The following VTA1 variants were observed in gnomAD, a reference collection of about 807,000 sequenced individuals.
VTA1 encodes the protein vesicle trafficking 1.
Under a neutral mutation model 36.9 loss-of-function variants are expected in VTA1, and 24 were observed. The observed-to-expected ratio is 0.65, with a 90% confidence interval of 0.47 to 0.91. The LOEUF (loss-of-function observed/expected upper bound fraction) is 0.91. Among genes scored for constraint, VTA1 ranks in the 40% least tolerant of loss-of-function variants. The probability of loss-of-function intolerance (pLI) is 0.00; values close to 1 mark genes in which losing one functional copy is unlikely to be tolerated. For synonymous variants in VTA1, 142 were observed against 130.2 expected, an observed-to-expected ratio of 1.09 and a Z score of -0.62; for missense variants, 393 against 377.2, an observed-to-expected ratio of 1.04 and a Z score of -0.35.
chr6:142,178,320 A>T (rs1775164812), intron 4 of VTA1, among the ~76,000 whole-genome samples: 1 of 152,120 alleles, frequency 6.6e-6, no homozygotes, highest in African/African-American at 2.4e-5. Context: ...AAAACAAATG[A>T]ACAAAAACCC....
chr6:142,194,983 G>T (rs1019632725), intron 5 of VTA1, among the ~76,000 whole-genome samples: 1 of 151,988 alleles, frequency 6.6e-6, no homozygotes, highest in African/African-American at 2.4e-5. Flanking sequence ...GCACTCATTG[G>T]TAAACTTAGT....
intron 2 of VTA1, among the ~76,000 whole-genome samples, chr6:142,166,783 C>T (rs947490969): frequency 3.9e-5 from 6 of 152,134 alleles, no homozygotes; most frequent in Admixed American, 6.5e-5. Context: ...TAAACGCGCC[C>T]GGCTAGTTTT....
In VTA1 at chr6:142,147,387, G is replaced by C; in HGVS notation, c.100G>C (p.Val34Leu). The change falls in exon 1 of 8, where the codon GTG (valine) becomes CTG (leucine). Residue 34 changes from valine to leucine, a missense_variant. By Grantham distance (32) the Val-to-Leu change is conservative. Transcript: ENST00000367630. Reference sequence around the variant, plus strand: ...GGAGCATGACAAGCGAGACCCTGTGGTGGCTTATTACTGTGAGTCTTTCCG... The same window carrying C: ...GGAGCATGACAAGCGAGACCCTGTGCTGGCTTATTACTGTGAGTCTTTCCG... ...AQEHDKRDPVVAYYCRLYAMQ... is the reference protein window; with the variant it reads ...AQEHDKRDPVLAYYCRLYAMQ... 6.2e-7 allele frequency: 1 copy of C among 1,614,110 alleles called. No homozygotes were observed. Among genetic ancestry groups the C allele is most frequent in the Non-Finnish European group, 8.5e-7 (1 of 1,180,004 alleles).
At chr6:142,151,227 G>T (rs770243400) in intron 1 of VTA1, among the ~76,000 whole-genome samples, 22 of 152,174 alleles carry the variant, frequency 1.4e-4, no homozygotes, top group Non-Finnish European at 2.8e-4. Flanking sequence ...TAGGGACAGG[G>T]ATGTGGAGGG....
intron 7 of VTA1, among the ~76,000 whole-genome samples, chr6:142,212,885 G>GC (rs1213273938): frequency 6.6e-6 from 1 of 152,126 alleles, no homozygotes; most frequent in Non-Finnish European, 1.5e-5. Context: ...CTCTCTCCAG[G>GC]CCCCTCCTTC....
rs139415532 is a variant in VTA1 at position 142,198,596 on chromosome 6, A to T, written c.678A>T (p.Ala226=). Residue 226 remains alanine, a synonymous_variant, in exon 6 of 8, where the codon GCA becomes GCT. Transcript: ENST00000367630. Reference sequence around the variant, plus strand: ...CACACGCTCCAGCTAATACACCAGCAGAAGTGCCTCACAGCACAGGTGGGA... The same window carrying T: ...CACACGCTCCAGCTAATACACCAGCTGAAGTGCCTCACAGCACAGGTGGGA... ...PGAHAPANTP[A]EVPHSTGVAS... The T allele has an allele frequency of 6.2e-7, 1 of 1,612,364 alleles. No homozygotes were observed. The highest frequency in any genetic ancestry group is 1.3e-5 in the African/African-American group (1 of 74,936).
At chr6:142,161,002 A>G (rs764667535) in intron 1 of VTA1, among the ~76,000 whole-genome samples, 8 of 152,058 alleles carry the variant, frequency 5.3e-5, no homozygotes, top group Non-Finnish European at 1.2e-4. Flanking sequence ...CAGGAGTTCC[A>G]AAAGTATTTA....
chr6:142,221,527 T>C lies in VTA1; in HGVS notation c.*2884T>C, dbSNP rs1304618423. Reference sequence around the variant, plus strand: ...GTAAGACACTTGACTGGGAGCTATATGGAAAGGTTTTCAGAAGAAACGTAG... The same window carrying C: ...GTAAGACACTTGACTGGGAGCTATACGGAAAGGTTTTCAGAAGAAACGTAG... On this transcript the variant is annotated 3_prime_UTR_variant, in exon 8 of 8. Transcript: ENST00000367630. 3 of 152,038 alleles carry C rather than the reference T, an allele frequency of 2.0e-5. No individual in the cohort carries two copies. Among genetic ancestry groups the C allele is most frequent in the Non-Finnish European group, 2.9e-5 (2 of 68,016 alleles). The allele number at this position is 152,038 out of a possible 1,614,324, so 9.4% of individuals were successfully genotyped here.
chr6:142,184,656 CATA>C (rs1014116375), intron 4 of VTA1, among the ~76,000 whole-genome samples: 29 of 152,154 alleles, frequency 1.9e-4, no homozygotes, highest in African/African-American at 6.7e-4. Flanking sequence ...GAGAGAATAG[CATA>C]AGAAGAGAAT....
intron 7 of VTA1, among the ~76,000 whole-genome samples, chr6:142,207,046 A>G (rs1488077311): frequency 6.6e-6 from 1 of 152,122 alleles, no homozygotes; most frequent in Non-Finnish European, 1.5e-5. Context: ...CCAACAGAAA[A>G]CGAAAAACAA....
intron 4 of VTA1, among the ~76,000 whole-genome samples, chr6:142,188,225 CTT>C (rs200348683): frequency 5.6e-3 from 442 of 78,822 alleles, no homozygotes; most frequent in African/African-American, 0.021. Flanking sequence ...TTCTTTATTT[CTT>C]TTTTTTTTTT....
intron 7 of VTA1, among the ~76,000 whole-genome samples, chr6:142,214,236 G>T (rs1341453647): frequency 6.6e-6 from 1 of 152,168 alleles, no homozygotes. Context: ...GGGGCAAAAT[G>T]CCTCCAGCCT....
chr6:142,166,614 C>CTT (rs869068795), intron 2 of VTA1, among the ~76,000 whole-genome samples: 1 of 144,488 alleles, frequency 6.9e-6, no homozygotes, highest in East Asian at 2.0e-4. Context: ...AAAACCCCTC[C>CTT]TTTTTTTTTT....
intron 4 of VTA1, among the ~76,000 whole-genome samples, chr6:142,173,001 T>G (rs1489462913): frequency 6.6e-6 from 1 of 151,822 alleles, no homozygotes; most frequent in African/African-American, 2.4e-5. Flanking sequence ...TGGTTGATGA[T>G]TAACTATGGG....
intron 1 of VTA1, among the ~76,000 whole-genome samples, chr6:142,165,260 C>T (rs1367521959): frequency 1.3e-5 from 2 of 152,014 alleles, no homozygotes; most frequent in Non-Finnish European, 2.9e-5. Context: ...GTATATGTTG[C>T]GGATACAATG....
At position 142,221,501 on chromosome 6, in the gene VTA1, TG is replaced by T. The variant is rs1212751943; in HGVS notation, c.*2859del. 1.3e-5 allele frequency: 2 copies of T among 152,150 alleles called. No individual in the cohort carries two copies. The highest frequency in any genetic ancestry group is 2.9e-5 in the Non-Finnish European group (2 of 68,034). The allele number at this position is 152,150 out of a possible 1,614,324, so 9.4% of individuals were successfully genotyped here. On this transcript the variant is annotated 3_prime_UTR_variant, in exon 8 of 8. Transcript: ENST00000367630. ...AAAGCTTAGGATCATAAAGCTTTTTTGTAAGACACTTGACTGGGAGCTATAT... is the reference window on the plus strand; with the variant it reads ...AAAGCTTAGGATCATAAAGCTTTTTTTAAGACACTTGACTGGGAGCTATAT...
At chr6:142,165,612 G>A in intron 1 of VTA1, among the ~76,000 whole-genome samples, 1 of 152,144 alleles carries the variant, frequency 6.6e-6, no homozygotes, top group East Asian at 1.9e-4. Flanking sequence ...TACAGACATT[G>A]TATGTAAACA....
chr6:142,219,504 G>A lies in VTA1; in HGVS notation c.*861G>A, dbSNP rs762802543. ...TTATGTTTAGATTCCCATTTGTTAA[G>A]TTTATAAGTTTTGTGGGGAATTATG... is the stretch of plus-strand genomic sequence containing the variant. On this transcript the variant is annotated 3_prime_UTR_variant, in exon 8 of 8. Transcript: ENST00000367630. 5 of 152,158 alleles carry A rather than the reference G, an allele frequency of 3.3e-5. No homozygotes were observed. The highest frequency in any genetic ancestry group is 5.9e-5 in the Non-Finnish European group (4 of 68,012). 9.4% of individuals were successfully genotyped at this position (152,158 alleles called of 1,614,324 possible). A position where few individuals can be genotyped will look rare whatever the true frequency, so the allele number is the denominator to read the frequency against.
chr6:142,151,783 C>T (rs1778573179), intron 1 of VTA1, among the ~76,000 whole-genome samples: 2 of 152,234 alleles, frequency 1.3e-5, no homozygotes, highest in Admixed American at 6.5e-5. Context: ...CCTGTAATCC[C>T]AGCACTTTGG....
Sources: allele counts gnomAD v4.1 joint callset (sites outside exome capture counted in the v4.1 genomes callset), GRCh38; gene constraint gnomAD v4.1.1; transcripts MANE v1.5; gene names NCBI Gene and HGNC (gene_info 2026-07-23, HGNC 2026-07-21).